The following LPCAT1 variants were observed in gnomAD, a reference collection of about 807,000 sequenced individuals.
LPCAT1 encodes 1-acylglycerol-3-phosphate O-acyltransferase.
In LPCAT1, 23 loss-of-function variants were observed where a neutral mutation model predicts 60.9. The ratio of observed to expected loss-of-function variants is 0.38; its 90% CI spans 0.27 to 0.53. The LOEUF (loss-of-function observed/expected upper bound fraction) is 0.53, where lower values mean the gene tolerates loss of function less well. LPCAT1 is among the 20% of genes least tolerant of loss of function. The pLI is 0.82. For synonymous variants in LPCAT1, 340 were observed against 301.1 expected, an observed-to-expected ratio of 1.13 and a Z score of -1.34; for missense variants, 622 against 723.6, an observed-to-expected ratio of 0.86 and a Z score of 1.61.
At chr5:1,468,528 C>T (rs1734533524) in intron 12 of LPCAT1, among the ~76,000 whole-genome samples, 1 of 152,182 alleles carries the variant, frequency 6.6e-6, no homozygotes, top group Non-Finnish European at 1.5e-5. Flanking sequence ...CAGATGCAGA[C>T]TTTCATCCTC....
chr5:1,477,385 G>T lies in LPCAT1; in HGVS notation c.899+19C>A, dbSNP rs758842349. 6 of 1,609,580 alleles carry T rather than the reference G, an allele frequency of 3.7e-6. No homozygotes were observed. In the African/African-American group the frequency reaches 4.0e-5, roughly 11 times the overall value. On this transcript the variant is annotated intron_variant, in intron 9 of 13. Transcript: ENST00000283415. This position sits in a 1 kb window ranked among gnomAD's most constrained non-coding sequence, Gnocchi z 6.0. Reference sequence around the variant, plus strand: ...AGACACCCCTGACTCGGCGATGGGGGAAGGAGCTGCTCACTTACTCGGCCA... The same window carrying T: ...AGACACCCCTGACTCGGCGATGGGGTAAGGAGCTGCTCACTTACTCGGCCA...
chr5:1,469,973 A>AG (rs1734601000), intron 12 of LPCAT1, among the ~76,000 whole-genome samples: 1 of 152,206 alleles, frequency 6.6e-6, no homozygotes, highest in Admixed American at 6.5e-5. Context: ...CTGCCTGGGG[A>AG]GACCCCCACA....
rs534524120 is a variant in LPCAT1, at chr5:1,507,870, T to C, written c.136-6267A>G. ...GAAAGCCCCAATGACAACAAGGAGA[T>C]GCAATCAATCAGAAAATGCAGAGAA... is the stretch of plus-strand genomic sequence containing the variant. On this transcript the variant is annotated intron_variant, in intron 1 of 13. Coordinates refer to ENST00000283415, the MANE Select transcript of LPCAT1 (RefSeq NM_024830.5). Among the ~76,000 whole-genome samples, 4 of 152,178 alleles carry C rather than the reference T, an allele frequency of 2.6e-5. No homozygotes were observed. The South Asian group carries it at 8.3e-4, about 32-fold the overall frequency.
In LPCAT1 at chr5:1,521,967, CG is replaced by C. The variant is rs779841861; in HGVS notation, c.135+1742del. On this transcript the variant is annotated intron_variant, in intron 1 of 13. Transcript: ENST00000283415. This position sits in a 1 kb window ranked among gnomAD's most constrained non-coding sequence, Gnocchi z 4.3. ...ACTTTTGGACAGAACACACCTCAACCGGGGGCTGCAACTATGACAGGGATGA... is the reference window on the plus strand; with the variant it reads ...ACTTTTGGACAGAACACACCTCAACCGGGGCTGCAACTATGACAGGGATGA... 2.0e-4 allele frequency among the ~76,000 whole-genome samples: 30 copies of C among 152,196 alleles called. No individual in the cohort carries two copies. Among genetic ancestry groups the C allele is most frequent in the Non-Finnish European group, 4.0e-4 (27 of 68,020 alleles).
At chr5:1,500,795 G>A (rs184159049) in intron 2 of LPCAT1, among the ~76,000 whole-genome samples, 3 of 152,376 alleles carry the variant, frequency 2.0e-5, no homozygotes, top group African/African-American at 7.2e-5. Context: ...GTTGGCAGGA[G>A]ATGCCATGGT....
At chr5:1,514,005 CT>C (rs1560994486) in intron 1 of LPCAT1, among the ~76,000 whole-genome samples, 3 of 152,236 alleles carry the variant, frequency 2.0e-5, no homozygotes, top group African/African-American at 7.2e-5. Context: ...CAGAAGGCAG[CT>C]TTCAAGGCAA....
At chr5:1,471,458 C>T (rs963685995) in intron 11 of LPCAT1, among the ~76,000 whole-genome samples, 2 of 152,190 alleles carry the variant, frequency 1.3e-5, no homozygotes, top group African/African-American at 4.8e-5. Flanking sequence ...TGGTGAGAGG[C>T]ACAGGTGGGG....
chr5:1,464,417 C>A (rs1734238775), intron 13 of LPCAT1, among the ~76,000 whole-genome samples: 1 of 152,214 alleles, frequency 6.6e-6, no homozygotes, highest in South Asian at 2.1e-4. Context: ...ACACTCAGAA[C>A]CTGGGCCACC....
intron 9 of LPCAT1, 21 bp from the exon 10 acceptor site, chr5:1,474,706 C>T (rs1161620926): frequency 6.2e-7 from 1 of 1,607,156 alleles, no homozygotes; most frequent in Non-Finnish European, 8.5e-7. Context: ...GGCAGCACCC[C>T]CGTCAGCCCA....
At chr5:1,497,443 C>T (rs894336854) in intron 2 of LPCAT1, among the ~76,000 whole-genome samples, 1 of 152,246 alleles carries the variant, frequency 6.6e-6, no homozygotes, top group Non-Finnish European at 1.5e-5. Context: ...AGAGTGGAGC[C>T]GGCCCTGGAG....
In LPCAT1 at chr5:1,477,438, G is replaced by A. The variant is rs765639706; in HGVS notation, c.865C>T (p.Leu289=). 2 of 1,614,092 alleles carry A rather than the reference G, an allele frequency of 1.2e-6. No homozygotes were observed. Among genetic ancestry groups the A allele is most frequent in the South Asian group, 2.2e-5 (2 of 91,076 alleles). Reference sequence around the variant, plus strand: ...ACTCGCCGCACGTTGCTGGCATACAGCGCGGGGTTCCTCTTCTCCTCCTCA... The same window carrying A: ...ACTCGCCGCACGTTGCTGGCATACAACGCGGGGTTCCTCTTCTCCTCCTCA... ...PSEEEKRNPA[L]YASNVRRVMA... The change falls in exon 9 of 14, where the codon CTG becomes TTG. Residue 289 remains leucine (L), a synonymous_variant. Coordinates refer to ENST00000283415, the MANE Select transcript of LPCAT1 (RefSeq NM_024830.5). The surrounding 1 kb of genome is among the most constrained non-coding windows in gnomAD (Gnocchi z 6.0).
Position 1,521,446 on chromosome 5 carries a change from T to C in LPCAT1, c.135+2264A>G. 1.0e-6 allele frequency: 1 copy of C among 985,408 alleles called. No homozygotes were observed. The highest frequency in any genetic ancestry group is 4.7e-5 in the South Asian group (1 of 21,286). 61.0% of individuals were successfully genotyped at this position (985,408 alleles called of 1,614,324 possible). A position where few individuals can be genotyped will look rare whatever the true frequency, so the allele number is the denominator to read the frequency against. On this transcript the variant is annotated intron_variant, in intron 1 of 13. Transcript: ENST00000283415. The surrounding 1 kb of genome is among the most constrained non-coding windows in gnomAD (Gnocchi z 4.3). The stretch of plus-strand genomic sequence containing the variant: ...CTTTCTTTGGGGAAGAAGGCTTTCT[T>C]GGCTTGAAAGACAGGCTATTTCACT...
rs771229201 is a variant in LPCAT1, at chr5:1,463,684, A to C, written c.1572T>G (p.Ala524=). 1 of 1,614,200 alleles carries C rather than the reference A, an allele frequency of 6.2e-7. No homozygotes were observed. Among genetic ancestry groups the C allele is most frequent in the East Asian group, 2.2e-5 (1 of 44,872 alleles). The change falls in exon 14 of 14, where the codon GCT becomes GCG. Residue 524 remains alanine, a synonymous_variant. Transcript: ENST00000283415. ...CADFSPENSD[A]GRKPVRKKLD ...GCTTCTTGCGAACAGGCTTCCGCCC[A>C]GCGTCTGAGTTTTCCGGGCTGAAAT... is the stretch of plus-strand genomic sequence containing the variant.
intron 2 of LPCAT1, 63 bp from the exon 3 acceptor site, chr5:1,494,977 A>C (rs1735731080): frequency 3.4e-6 from 5 of 1,460,280 alleles, no homozygotes; most frequent in African/African-American, 1.4e-5. Flanking sequence ...TGTGTGAGGC[A>C]CAGGGGCGGT....
chr5:1,468,004 T>G (rs747646210), intron 12 of LPCAT1, among the ~76,000 whole-genome samples: 3 of 151,968 alleles, frequency 2.0e-5, no homozygotes, highest in Non-Finnish European at 4.4e-5. Flanking sequence ...AGAAGTGGGC[T>G]GCCTGGGAGG....
chr5:1,489,194 G>A (rs77351337), intron 4 of LPCAT1, among the ~76,000 whole-genome samples: 7,391 of 152,302 alleles, frequency 0.049, 190 homozygotes, highest in South Asian at 0.089. Flanking sequence ...CCCTCTAAGG[G>A]GCTGCCCCCA....
chr5:1,484,990 A>ACGCC (rs1735316662), intron 5 of LPCAT1, among the ~76,000 whole-genome samples: 1 of 152,106 alleles, frequency 6.6e-6, no homozygotes. Flanking sequence ...CCCAGCTCCA[A>ACGCC]CGCCCGGCAG....
At chr5:1,499,571 G>A (rs1735930470) in intron 2 of LPCAT1, among the ~76,000 whole-genome samples, 1 of 152,202 alleles carries the variant, frequency 6.6e-6, no homozygotes, top group African/African-American at 2.4e-5. Context: ...AAGCATAAGA[G>A]AATTTTAAAA....
chr5:1,490,097 A>C (rs1406220634), intron 3 of LPCAT1, among the ~76,000 whole-genome samples: 1 of 152,262 alleles, frequency 6.6e-6, no homozygotes, highest in East Asian at 1.9e-4. Context: ...ACAAACAGCA[A>C]GTCCATGGCA....
Sources: gnomAD v4.1 joint callset for allele counts (sites outside exome capture counted in the v4.1 genomes callset) on GRCh38, gnomAD v4.1.1 for gene constraint, Gnocchi (gnomAD v3.1) non-coding constraint, MANE v1.5 for transcripts, NCBI Gene and HGNC (gene_info 2026-07-23, HGNC 2026-07-21) for gene names.